LRMDA: variants seen among roughly 807,000 people sequenced by gnomAD.
The protein encoded by LRMDA is leucine rich melanocyte differentiation associated.
LRMDA carries 18 observed loss-of-function variants against 29.8 expected under a neutral mutation model. The ratio of observed to expected loss-of-function variants is 0.60; its 90% confidence interval spans 0.42 to 0.90. The LOEUF (loss-of-function observed/expected upper bound fraction) is 0.90, where lower values mean the gene tolerates loss of function less well. LRMDA is among the 40% of genes least tolerant of loss of function. The probability of loss-of-function intolerance (pLI) is 0.00; values close to 1 mark genes in which losing one functional copy is unlikely to be tolerated. For missense variants in LRMDA, 273 were observed against 273.9 expected, an observed-to-expected ratio of 1.00 and a Z score of 0.02; for synonymous variants, 125 against 109.4, an observed-to-expected ratio of 1.14 and a Z score of -0.89.
At chr10:76,165,192 C>T (rs1194338435) in intron 5 of LRMDA, among the ~76,000 whole-genome samples, 4 of 152,286 alleles carry the variant, frequency 2.6e-5, no homozygotes, top group South Asian at 2.1e-4. Flanking sequence ...AGGCTGGTCT[C>T]GAACTCTTGA....
At chr10:75,947,335 T>G (rs1006062022) in intron 2 of LRMDA, among the ~76,000 whole-genome samples, 1 of 152,202 alleles carries the variant, frequency 6.6e-6, no homozygotes, top group Admixed American at 6.5e-5. Flanking sequence ...ATGGTGCTGA[T>G]GAGCTGAGAT....
chr10:75,942,512 T>C (rs1238221958), intron 2 of LRMDA, among the ~76,000 whole-genome samples: 1 of 152,170 alleles, frequency 6.6e-6, no homozygotes, highest in African/African-American at 2.4e-5. Flanking sequence ...AGTTAACCAC[T>C]TGCGGGAAGT....
chr10:75,954,265 C>G lies in LRMDA; in HGVS notation c.132-81743C>G, dbSNP rs141615724. 7.9e-3 allele frequency among the ~76,000 whole-genome samples: 1,205 copies of G among 152,244 alleles called. 13 individuals carry two copies. Among genetic ancestry groups the G allele is most frequent in the Non-Finnish European group, 9.8e-3 (669 of 68,022 alleles). ...GCCTTGTGATACCCTGAGCATAGAACCCAGCTGAGGGGTGGAGCAGTTGTG... is the reference window on the plus strand; with the variant it reads ...GCCTTGTGATACCCTGAGCATAGAAGCCAGCTGAGGGGTGGAGCAGTTGTG... On this transcript the variant is annotated intron_variant, in intron 2 of 6. Transcript: ENST00000611255.
intron 2 of LRMDA, among the ~76,000 whole-genome samples, chr10:75,440,265 T>C (rs575785077): frequency 6.8e-6 from 1 of 147,844 alleles, no homozygotes; most frequent in Non-Finnish European, 1.5e-5. Context: ...GGCTGAAAAG[T>C]GGATTCAGAG....
intron 2 of LRMDA, among the ~76,000 whole-genome samples, chr10:75,670,345 G>A (rs1489526135): frequency 6.6e-6 from 1 of 152,178 alleles, no homozygotes; most frequent in Non-Finnish European, 1.5e-5. Context: ...AGGGAAGAAA[G>A]CTTTAAGATC....
chr10:75,668,499 A>C (rs1841851376), intron 2 of LRMDA, among the ~76,000 whole-genome samples: 1 of 152,204 alleles, frequency 6.6e-6, no homozygotes, highest in Admixed American at 6.5e-5. Context: ...TCGGTGATTT[A>C]TACAACCACT....
chr10:76,398,335 T>A (rs1337052243), intron 6 of LRMDA, among the ~76,000 whole-genome samples: 2 of 152,168 alleles, frequency 1.3e-5, no homozygotes, highest in Admixed American at 6.5e-5. Flanking sequence ...ATGGCAGATG[T>A]GGCATAGATT....
chr10:76,049,928 C>G (rs1848501714), intron 4 of LRMDA, among the ~76,000 whole-genome samples: 2 of 152,114 alleles, frequency 1.3e-5, no homozygotes, highest in African/African-American at 2.4e-5. Context: ...CTGTTTTTCA[C>G]TTTAAGTACA....
intron 2 of LRMDA, among the ~76,000 whole-genome samples, chr10:75,971,688 T>G (rs1281318828): frequency 6.6e-6 from 1 of 152,232 alleles, no homozygotes; most frequent in African/African-American, 2.4e-5. Context: ...TATTATGATC[T>G]GTTTTTTTAG....
intron 2 of LRMDA, among the ~76,000 whole-genome samples, chr10:75,764,741 A>T (rs1187709194): frequency 6.6e-6 from 1 of 152,228 alleles, no homozygotes; most frequent in Non-Finnish European, 1.5e-5. Flanking sequence ...AAGGAGATAA[A>T]GGAAGATTTA....
chr10:75,762,434 A>G lies in LRMDA; in HGVS notation c.132-273574A>G, dbSNP rs544101019. ...TTTTATGTATGGCCCAATTCTTCCA[A>G]TGTGGCCTAGGGAAGCCAAAAGATT... is the stretch of plus-strand genomic sequence containing the variant. On this transcript the variant is annotated intron_variant, in intron 2 of 6. Transcript: ENST00000611255. 9.2e-5 allele frequency among the ~76,000 whole-genome samples: 14 copies of G among 151,866 alleles called. 1 individual carries two copies. In the South Asian group the frequency reaches 2.9e-3, roughly 31 times the overall value.
intron 2 of LRMDA, among the ~76,000 whole-genome samples, chr10:75,903,348 C>T (rs1323962959): frequency 6.6e-6 from 1 of 152,156 alleles, no homozygotes; most frequent in African/African-American, 2.4e-5. Flanking sequence ...GAATTTCCTT[C>T]GCTGGCTAAA....
At chr10:75,593,860 G>A (rs975398984) in intron 2 of LRMDA, among the ~76,000 whole-genome samples, 2 of 148,518 alleles carry the variant, frequency 1.3e-5, no homozygotes, top group African/African-American at 5.0e-5. Flanking sequence ...CCTGAGAGAG[G>A]GGTGCCTGGC....
intron 6 of LRMDA, among the ~76,000 whole-genome samples, chr10:76,352,115 A>G (rs9664798): frequency 0.022 from 3,359 of 152,218 alleles, 129 homozygotes; most frequent in African/African-American, 0.076. Context: ...GTTGCTATGA[A>G]TAGTTTCAAA....
chr10:75,781,017 A>T (rs558929951), intron 2 of LRMDA, among the ~76,000 whole-genome samples: 5 of 152,276 alleles, frequency 3.3e-5, no homozygotes, highest in African/African-American at 1.2e-4. Context: ...TTGAGCCTCC[A>T]TGCCTTTGCA....
intron 2 of LRMDA, among the ~76,000 whole-genome samples, chr10:75,966,107 C>T (rs1392070398): frequency 6.6e-6 from 1 of 152,148 alleles, no homozygotes; most frequent in Non-Finnish European, 1.5e-5. Context: ...TTCATGTCTT[C>T]CTATCATCCA....
chr10:75,839,700 C>CTTTTTTTTTTT lies in LRMDA; in HGVS notation c.132-196292_132-196282dup, dbSNP rs1160178913. ...TACTCCTTAGGATGCATCCGACTTT[C>CTTTTTTTTTTT]TTTTTTTTTTTTTTTTTTTTTTTTT... On this transcript the variant is annotated intron_variant, in intron 2 of 6. Transcript: ENST00000611255. 7.2e-5 allele frequency among the ~76,000 whole-genome samples: 6 copies of CTTTTTTTTTTT among 82,782 alleles called. 1 individual carries two copies. The highest frequency in any genetic ancestry group is 1.3e-4 in the African/African-American group (2 of 15,492). The allele number at this position is 82,782 out of a possible 152,430, so 54.3% of individuals were successfully genotyped here.
At chr10:75,721,135 G>A (rs1842561974) in intron 2 of LRMDA, among the ~76,000 whole-genome samples, 1 of 152,158 alleles carries the variant, frequency 6.6e-6, no homozygotes, top group African/African-American at 2.4e-5. Flanking sequence ...ATCTGAGACT[G>A]TTTGTAATTT....
At chr10:76,056,524 G>A (rs1848617349) in intron 4 of LRMDA, among the ~76,000 whole-genome samples, 1 of 152,164 alleles carries the variant, frequency 6.6e-6, no homozygotes, top group Non-Finnish European at 1.5e-5. Flanking sequence ...GATGCCTGCA[G>A]GCCCATGCTG....
Sources: gnomAD v4.1 joint callset for allele counts (sites outside exome capture counted in the v4.1 genomes callset) on GRCh38, gnomAD v4.1.1 for gene constraint, MANE v1.5 for transcripts, NCBI Gene and HGNC (gene_info 2026-07-23, HGNC 2026-07-21) for gene names.